Variants in USP53 observed in about 807,000 individuals in gnomAD.
The protein encoded by USP53 is ubiquitin carboxyl-terminal hydrolase 53.
USP53 carries 71 observed loss-of-function variants against 94.9 expected under a neutral mutation model. The observed-to-expected ratio is 0.75, with a 90% CI of 0.62 to 0.91. The LOEUF is 0.91. USP53 is among the 40% of genes least tolerant of loss of function. The pLI, the probability that USP53 is intolerant of heterozygous loss-of-function variation, is 0.00. For synonymous variants in USP53, 375 were observed against 422.7 expected (o/e 0.89, Z 1.39); for missense variants, 1,173 against 1,281.0 (o/e 0.92, Z 1.29).
intron 17 of USP53, among the ~76,000 whole-genome samples, chr4:119,290,545 T>A (rs1425610843): frequency 1.3e-5 from 2 of 152,184 alleles, no homozygotes; most frequent in East Asian, 3.8e-4. Context: ...ATAAGGTTAT[T>A]GTAAAGATTA....
At chr4:119,285,763 T>C (rs1346257059) in intron 17 of USP53, among the ~76,000 whole-genome samples, 1 of 151,962 alleles carries the variant, frequency 6.6e-6, no homozygotes, top group African/African-American at 2.4e-5. Context: ...AGAAGTACTT[T>C]TGTCAGCCGA....
chr4:119,218,168 C>G (rs2149258145), intron 3 of USP53: 1 of 152,176 alleles, frequency 6.6e-6, no homozygotes, highest in East Asian at 1.9e-4. Flanking sequence ...AAGATGACAT[C>G]AAGATATTTG....
chr4:119,272,070 CTCT>C lies in USP53; in HGVS notation c.2174+41_2174+43del, dbSNP rs745632540. On this transcript the variant is annotated intron_variant, in intron 16 of 18. Coordinates refer to ENST00000692078, the MANE Select transcript of USP53 (RefSeq NM_001371395.1). ...AGTTGAGTGAATCATTTTTCCATCA[CTCT>C]TCTTTTTTGTTAATTGCATGAAGTA... 3 of 1,520,324 alleles carry C rather than the reference CTCT, an allele frequency of 2.0e-6. 1 individual carries two copies. In the South Asian group the frequency reaches 4.1e-5, roughly 21 times the overall value. The allele number at this position is 1,520,324 out of a possible 1,614,324, so 94.2% of individuals were successfully genotyped here.
At chr4:119,274,898 T>C (rs1305294928) in intron 17 of USP53, among the ~76,000 whole-genome samples, 22 of 108,502 alleles carry the variant, frequency 2.0e-4, no homozygotes, top group African/African-American at 4.4e-4. Context: ...ATGTCTTCTT[T>C]TGAGAAGTGT....
intron 3 of USP53, chr4:119,218,668 C>T (rs138571909): frequency 6.6e-6 from 1 of 152,232 alleles, no homozygotes; most frequent in East Asian, 1.9e-4. Flanking sequence ...AATATTTATT[C>T]TTCAATTATA....
rs1245692419 is a variant in USP53 at position 119,287,699 on chromosome 4, A to C, written c.2252-3466A>C. The stretch of plus-strand genomic sequence containing the variant: ...AAATGTTACAGAAGTGTAGACGATT[A>C]ATTGACAGTTCATGCTAATGCCATA... On this transcript the variant is annotated intron_variant, in intron 17 of 18. Transcript: ENST00000692078. Among the ~76,000 whole-genome samples the C allele has an allele frequency of 1.3e-5, 2 of 152,200 alleles. 1 individual carries two copies. Among genetic ancestry groups the C allele is most frequent in the Non-Finnish European group, 2.9e-5 (2 of 68,016 alleles).
chr4:119,279,731 T>A (rs1391274638), intron 17 of USP53, among the ~76,000 whole-genome samples: 2 of 152,190 alleles, frequency 1.3e-5, no homozygotes. Context: ...GATCTCAGAC[T>A]GCTGTGCTAG....
intron 3 of USP53, chr4:119,221,338 G>A (rs1226813460): frequency 6.6e-6 from 1 of 152,104 alleles, no homozygotes; most frequent in Non-Finnish European, 1.5e-5. Flanking sequence ...AGAGGCTGAG[G>A]CAGGAGGATC....
intron 5 of USP53, among the ~76,000 whole-genome samples, chr4:119,240,655 T>A (rs1246529562): frequency 6.6e-6 from 1 of 152,196 alleles, no homozygotes; most frequent in Non-Finnish European, 1.5e-5. Context: ...GCATTGTTTT[T>A]TCTTTTGAAA....
intron 3 of USP53, among the ~76,000 whole-genome samples, chr4:119,227,202 G>C (rs1292168525): frequency 6.8e-6 from 1 of 148,070 alleles, no homozygotes; most frequent in East Asian, 2.0e-4. Context: ...AAAAAATGGT[G>C]CTGGAAAATT....
intron 4 of USP53, among the ~76,000 whole-genome samples, chr4:119,238,292 G>C (rs1258858604): frequency 1.3e-5 from 2 of 152,124 alleles, no homozygotes; most frequent in African/African-American, 4.8e-5. Context: ...ACACCTAGGG[G>C]CCATTGTAGG....
rs1337049516 is a variant in USP53, at chr4:119,271,784, T to C, written c.1924T>C (p.Tyr642His). 2 of 1,612,864 alleles carry C rather than the reference T, an allele frequency of 1.2e-6. No individual in the cohort carries two copies. The highest frequency in any genetic ancestry group is 1.3e-5 in the African/African-American group (1 of 74,778). Reference protein sequence around the residue: ...NPKQKGLMTIYEDEMKQEIGS... With the variant: ...NPKQKGLMTIHEDEMKQEIGS... ...AAAGCAAAAAGGTTTAATGACCATATATGAAGATGAAATGAAGCAGGAAAT... is the reference window on the plus strand; with the variant it reads ...AAAGCAAAAAGGTTTAATGACCATACATGAAGATGAAATGAAGCAGGAAAT... The change falls in exon 16 of 19, where the codon TAT becomes CAT. Residue 642 changes from tyrosine to histidine, a missense_variant. Transcript: ENST00000692078.
At chr4:119,244,625 A>G (rs1452797949) in intron 5 of USP53, among the ~76,000 whole-genome samples, 1 of 152,144 alleles carries the variant, frequency 6.6e-6, no homozygotes, top group Non-Finnish European at 1.5e-5. Flanking sequence ...TCTTATCCTC[A>G]TTGTCTAGAA....
chr4:119,280,329 A>G (rs1753368343), intron 17 of USP53, among the ~76,000 whole-genome samples: 1 of 151,986 alleles, frequency 6.6e-6, no homozygotes, highest in Non-Finnish European at 1.5e-5. Flanking sequence ...TTTGAGACCC[A>G]GATAGGCAGG....
Position 119,281,641 on chromosome 4 carries a change from G to C in USP53, c.2251+7933G>C, listed in dbSNP as rs541647282. Among the ~76,000 whole-genome samples the C allele has an allele frequency of 8.5e-5, 13 of 152,262 alleles. No homozygotes were observed. The South Asian group carries it at 2.7e-3, about 32-fold the overall frequency. On this transcript the variant is annotated intron_variant, in intron 17 of 18. Coordinates refer to ENST00000692078, the MANE Select transcript of USP53 (RefSeq NM_001371395.1). ...AAGTCAGTGAGATTGAACAATAACTGCAAGTTCAGTACTTGTTACAAAATG... is the reference window on the plus strand; with the variant it reads ...AAGTCAGTGAGATTGAACAATAACTCCAAGTTCAGTACTTGTTACAAAATG...
At chr4:119,227,996 G>C (rs540768170) in intron 3 of USP53, among the ~76,000 whole-genome samples, 3 of 152,346 alleles carry the variant, frequency 2.0e-5, no homozygotes, top group South Asian at 4.1e-4. Flanking sequence ...GACAGAAAGT[G>C]TATCAGTGTT....
At chr4:119,250,420 T>C (rs1055491633) in intron 7 of USP53, among the ~76,000 whole-genome samples, 1 of 152,206 alleles carries the variant, frequency 6.6e-6, no homozygotes, top group Non-Finnish European at 1.5e-5. Context: ...TTTCCTTAGA[T>C]GGAAAGCTCA....
chr4:119,263,749 G>T (rs772210858), intron 12 of USP53, among the ~76,000 whole-genome samples: 41 of 152,062 alleles, frequency 2.7e-4, no homozygotes, highest in Non-Finnish European at 4.6e-4. Flanking sequence ...TAGGCTGAAG[G>T]TTGCTCTGGA....
chr4:119,268,028 G>T (rs980087449), intron 13 of USP53, among the ~76,000 whole-genome samples: 19 of 152,032 alleles, frequency 1.2e-4, no homozygotes, highest in South Asian at 8.3e-4. Flanking sequence ...TTGGCCGGGC[G>T]CGGTGGCGGG....
Sources: gnomAD v4.1 joint callset for allele counts (sites outside exome capture counted in the v4.1 genomes callset) on GRCh38, gnomAD v4.1.1 for gene constraint, MANE v1.5 for transcripts, NCBI Gene and HGNC (gene_info 2026-07-23, HGNC 2026-07-21) for gene names.